Variants in DENND4C observed in about 807,000 individuals in gnomAD.
DENND4C encodes the protein DENN domain containing 4C, also known as DENN domain-containing protein 4C.
DENND4C carries 108 observed loss-of-function variants against 203.0 expected under a neutral mutation model. The observed-to-expected ratio is 0.53, with a 90% CI of 0.46 to 0.62. The LOEUF is 0.62. DENND4C is among the 20% of genes least tolerant of loss of function. The pLI is 0.00. For synonymous variants in DENND4C, 871 were observed against 792.4 expected (o/e 1.10, Z -1.67); for missense variants, 2,481 against 2,301.2 (o/e 1.08, Z -1.60).
chr9:19,352,238 A>G (rs1054387894), intron 25 of DENND4C, 56 bp downstream of exon 25: 1 of 1,494,068 alleles, frequency 6.7e-7, no homozygotes, highest in Non-Finnish European at 9.3e-7. Context: ...TTTTTATTTC[A>G]GAATGGCATT....
intron 20 of DENND4C, chr9:19,337,525 T>C (rs962109057): frequency 1.1e-5 from 9 of 838,854 alleles, no homozygotes; most frequent in Non-Finnish European, 1.3e-5. Flanking sequence ...TTCTCTGCTC[T>C]TTGTTGCTTT....
At chr9:19,281,528 A>C (rs1008477674) in intron 2 of DENND4C, among the ~76,000 whole-genome samples, 2 of 152,198 alleles carry the variant, frequency 1.3e-5, no homozygotes, top group African/African-American at 2.4e-5. Context: ...CTGTTGCTAA[A>C]CTTTTGTCTT....
chr9:19,245,048 G>A (rs1824805170), intron 1 of DENND4C, among the ~76,000 whole-genome samples: 1 of 152,212 alleles, frequency 6.6e-6, no homozygotes, highest in Non-Finnish European at 1.5e-5. Context: ...CTGTCTGCAT[G>A]CATAATCACA....
chr9:19,282,770 G>A (rs1187940322), intron 2 of DENND4C, among the ~76,000 whole-genome samples: 1 of 123,902 alleles, frequency 8.1e-6, no homozygotes, highest in Non-Finnish European at 1.6e-5. Context: ...AGGCTGGAGT[G>A]CAGTGGTATG....
intron 1 of DENND4C, among the ~76,000 whole-genome samples, chr9:19,243,443 T>G (rs1219617649): frequency 6.6e-6 from 1 of 152,210 alleles, no homozygotes. Flanking sequence ...ATGCAAGTAT[T>G]ACCACAAACT....
At chr9:19,283,357 C>A (rs1432793955) in intron 2 of DENND4C, among the ~76,000 whole-genome samples, 1 of 152,048 alleles carries the variant, frequency 6.6e-6, no homozygotes, top group African/African-American at 2.4e-5. Flanking sequence ...GGAATACCTC[C>A]TGAAGGACCT....
intron 23 of DENND4C, among the ~76,000 whole-genome samples, chr9:19,347,670 A>C (rs1823208154): frequency 1.3e-5 from 2 of 152,246 alleles, no homozygotes; most frequent in Admixed American, 1.3e-4. Flanking sequence ...ATAATGTAGA[A>C]ATAGAATATT....
At chr9:19,297,537 G>A (rs1304151124) in intron 6 of DENND4C, among the ~76,000 whole-genome samples, 4 of 152,114 alleles carry the variant, frequency 2.6e-5, no homozygotes, top group Non-Finnish European at 5.9e-5. Context: ...TAAAATCAAT[G>A]TATATAATCA....
In DENND4C at chr9:19,369,931, T is replaced by C; in HGVS notation, c.5619T>C (p.Val1873=). 4 of 1,613,956 alleles carry C rather than the reference T, an allele frequency of 2.5e-6. No individual in the cohort carries two copies. The highest frequency in any genetic ancestry group is 3.4e-6 in the Non-Finnish European group (4 of 1,179,954). Residue 1873 remains valine (V), a synonymous_variant, in exon 31 of 33, where the codon GTT becomes GTC. Transcript: ENST00000434457. ...TIRQSIQHNN[V]LKPINLLSQQ... ...GGCAGAGTATTCAGCACAATAATGT[T>C]CTTAAACCCATCAACCTACTTTCAC... is the stretch of plus-strand genomic sequence containing the variant.
At chr9:19,349,296 T>C (rs375025609) in intron 23 of DENND4C, among the ~76,000 whole-genome samples, 3 of 152,130 alleles carry the variant, frequency 2.0e-5, no homozygotes, top group East Asian at 3.9e-4. Context: ...TAGTCTCAGC[T>C]ACTCCAGAAG....
At position 19,300,300 on chromosome 9, in the gene DENND4C, T is replaced by G; in HGVS notation, c.1280T>G (p.Val427Gly). The G allele has an allele frequency of 6.2e-7, 1 of 1,601,898 alleles. No individual in the cohort carries two copies. Among genetic ancestry groups the G allele is most frequent in the Non-Finnish European group, 8.5e-7 (1 of 1,171,648 alleles). The part of the protein sequence containing the change: ...KILLHSLRPA[V>G]LTGVAEAVVA... ...CTGCTGCATTCTCTTAGGCCAGCTG[T>G]CTTGACTGGGGTAGCTGAAGCTGTT... The change falls in exon 9 of 33, where the codon GTC (valine) becomes GGC (glycine). Residue 427 changes from valine (V) to glycine (G), a missense_variant. Physicochemically the swap from Val to Gly is moderately radical, Grantham distance 109. Coordinates refer to ENST00000434457, the MANE Select transcript of DENND4C (RefSeq NM_001330640.2).
At chr9:19,362,050 G>A (rs1826605658) in intron 30 of DENND4C, 87 bp downstream of exon 30, 1 of 719,914 alleles carries the variant, frequency 1.4e-6, no homozygotes, top group African/African-American at 1.8e-5. Context: ...TAGGCTGGCG[G>A]ACCACTTGAG....
intron 2 of DENND4C, among the ~76,000 whole-genome samples, chr9:19,285,543 T>TA (rs1835018804): frequency 6.6e-6 from 1 of 150,722 alleles, no homozygotes; most frequent in South Asian, 2.1e-4. Context: ...GGACATTTCT[T>TA]AAAAACTGAA....
intron 1 of DENND4C, among the ~76,000 whole-genome samples, chr9:19,256,811 C>T (rs1364799520): frequency 1.3e-5 from 2 of 151,928 alleles, no homozygotes; most frequent in African/African-American, 4.8e-5. Context: ...TGGCTCACGC[C>T]TGAAATCCCA....
rs1047308035 is a variant in DENND4C, at chr9:19,341,183, T to G, written c.3004+69T>G. 2.2e-5 allele frequency: 28 copies of G among 1,262,622 alleles called. No individual in the cohort carries two copies. In the South Asian group the frequency reaches 3.5e-4, roughly 16 times the overall value. 78.2% of individuals were successfully genotyped at this position (1,262,622 alleles called of 1,614,324 possible). On this transcript the variant is annotated intron_variant, in intron 21 of 32. Coordinates refer to ENST00000434457, the MANE Select transcript of DENND4C (RefSeq NM_001330640.2). ...TATTATTAATAATTAAAAGTTTATC[T>G]TAGTTGATAGCTTTGATGATTATTT...
At chr9:19,288,316 T>C (rs1243577426) in intron 3 of DENND4C, among the ~76,000 whole-genome samples, 1 of 152,234 alleles carries the variant, frequency 6.6e-6, no homozygotes, top group African/African-American at 2.4e-5. Flanking sequence ...CGTTTTGTGC[T>C]GTGTCTTACA....
intron 3 of DENND4C, among the ~76,000 whole-genome samples, chr9:19,287,247 A>G (rs921248958): frequency 1.3e-5 from 2 of 152,162 alleles, no homozygotes; most frequent in African/African-American, 4.8e-5. Flanking sequence ...AAATCCTAAT[A>G]TTGTCTGTGT....
intron 10 of DENND4C, among the ~76,000 whole-genome samples, chr9:19,313,833 C>T (rs1404247156): frequency 1.3e-5 from 2 of 152,094 alleles, no homozygotes; most frequent in Admixed American, 6.6e-5. Context: ...AGTTGGCAGG[C>T]ATATAGTAAT....
rs1821932437 is a variant in DENND4C, at chr9:19,342,737, C to G, written c.3109C>G (p.Pro1037Ala). The G allele has an allele frequency of 2.5e-6, 4 of 1,611,726 alleles. No individual in the cohort carries two copies. The Admixed American group carries it at 5.0e-5, about 20-fold the overall frequency. Residue 1037 changes from proline (P) to alanine (A), a missense_variant, in exon 22 of 33, where the codon CCG (proline) becomes GCG (alanine). Pro to Ala is a conservative substitution (Grantham distance 27, BLOSUM62 -1). Coordinates refer to ENST00000434457, the MANE Select transcript of DENND4C (RefSeq NM_001330640.2). ...ATGGGGCAGCAGTATTGTGAAAGTT[C>G]CGTCTGGTATATTTGATGTCAACAG... ...PAWGSSIVKV[P>A]SGIFDVNSRK...
Sources: allele counts gnomAD v4.1 joint callset (sites outside exome capture counted in the v4.1 genomes callset), GRCh38; gene constraint gnomAD v4.1.1; transcripts MANE v1.5; gene names NCBI Gene and HGNC (gene_info 2026-07-23, HGNC 2026-07-21).